The following ZAP70 variants were observed in gnomAD, a reference collection of about 807,000 sequenced individuals.
ZAP70 encodes zeta chain of T cell receptor associated protein kinase 70, also known as tyrosine-protein kinase ZAP-70.
A neutral mutation model predicts 65.8 loss-of-function variants in ZAP70; 27 were observed. The ratio of observed to expected loss-of-function variants is 0.41; its 90% CI spans 0.30 to 0.57. The LOEUF (loss-of-function observed/expected upper bound fraction) is 0.57. Among genes scored for constraint, ZAP70 ranks in the 20% least tolerant of loss-of-function variants. The pLI is 0.28. For missense variants in ZAP70, 696 were observed against 870.5 expected, an observed-to-expected ratio of 0.80 and a Z score of 2.52; for synonymous variants, 363 against 360.8, an observed-to-expected ratio of 1.01 and a Z score of -0.07.
At chr2:97,741,302 G>C (rs1209654773), downstream of ZAP70, among the ~76,000 whole-genome samples, 3 of 152,216 alleles carry the variant, frequency 2.0e-5, no homozygotes, top group African/African-American at 7.2e-5. Context: ...CTCTGACCAA[G>C]CCCCTTCACC....
Position 97,734,689 on chromosome 2 carries a change from C to T in ZAP70, c.1059C>T (p.Arg353=), listed in dbSNP as rs777939833. 6.2e-7 allele frequency: 1 copy of T among 1,614,054 alleles called. No individual in the cohort carries two copies. The highest frequency in any genetic ancestry group is 1.1e-5 in the South Asian group (1 of 91,088). ...GCTGCGGCAACTTTGGCTCAGTGCG[C>T]CAGGGCGTGTACCGCATGCGCAAGT... ...ELGCGNFGSV[R]QGVYRMRKKQ... Residue 353 remains arginine, a synonymous_variant, in exon 9 of 14, where the codon CGC becomes CGT. Coordinates refer to ENST00000264972, the MANE Select transcript of ZAP70 (RefSeq NM_001079.4).
chr2:97,723,575 AATT>A (rs1370061249), intron 2 of ZAP70, among the ~76,000 whole-genome samples: 1 of 152,154 alleles, frequency 6.6e-6, no homozygotes, highest in African/African-American at 2.4e-5. Context: ...CTCAATCTGT[AATT>A]ATTATTTTTG....
At chr2:97,726,312 C>T (rs1021320140) in intron 4 of ZAP70, among the ~76,000 whole-genome samples, 1 of 152,206 alleles carries the variant, frequency 6.6e-6, no homozygotes, top group Non-Finnish European at 1.5e-5. Flanking sequence ...GGTTTGGACA[C>T]GGGATCTTTT....
chr2:97,734,078 A>C (rs529704397), intron 8 of ZAP70: 10 of 278,456 alleles, frequency 3.6e-5, no homozygotes, highest in African/African-American at 8.6e-5. Flanking sequence ...CCTGTTTCTC[A>C]TGGGTGGGCC....
chr2:97,732,873 C>T lies in ZAP70; in HGVS notation c.564-10C>T, dbSNP rs1227715885. 2 of 1,613,846 alleles carry T rather than the reference C, an allele frequency of 1.2e-6. No individual in the cohort carries two copies. Among genetic ancestry groups the T allele is most frequent in the East Asian group, 4.5e-5 (2 of 44,888 alleles). On this transcript the variant is annotated splice_polypyrimidine_tract_variant and intron_variant, in intron 4 of 13. Transcript: ENST00000264972. ...CTCTAGGGGTTACATCCCCTCCCTT[C>T]CCCTGCCAGGCTGAGGCCGCGGAAG...
rs1676881701 is a variant in ZAP70 at position 97,715,711 on chromosome 2, T to G, written c.-22+1717T>G. ...TCCTGGTGGCCCCTTGCAGGCTGCA[T>G]GTTCTGAGAGTGACATTGACCTCTC... On this transcript the variant is annotated intron_variant, in intron 2 of 13. Transcript: ENST00000264972. This position sits in a 1 kb window ranked among gnomAD's most constrained non-coding sequence, Gnocchi z 4.1. 6.6e-6 allele frequency among the ~76,000 whole-genome samples: 1 copy of G among 152,190 alleles called. No homozygotes were observed. Among genetic ancestry groups the G allele is most frequent in the African/African-American group, 2.4e-5 (1 of 41,448 alleles).
chr2:97,717,051 G>A (rs1383939655), intron 2 of ZAP70, among the ~76,000 whole-genome samples: 1 of 152,232 alleles, frequency 6.6e-6, no homozygotes, highest in African/African-American at 2.4e-5. Flanking sequence ...GGCTAACTGC[G>A]GCTGTGTGGC....
Position 97,733,228 on chromosome 2 carries a change from GGGCGGGC to G in ZAP70, c.790+19_790+25del. Reference sequence around the variant, plus strand: ...AACGCCTCAGGTGACGGCAGCAGGCGGGCGGGCGGTGGGCGGGGGCGGCAGGAGACCT... The same window carrying G: ...AACGCCTCAGGTGACGGCAGCAGGCGGGTGGGCGGGGGCGGCAGGAGACCT... On this transcript the variant is annotated intron_variant, in intron 6 of 13. Coordinates refer to ENST00000264972, the MANE Select transcript of ZAP70 (RefSeq NM_001079.4). The G allele has an allele frequency of 6.2e-7, 1 of 1,611,168 alleles. No individual in the cohort carries two copies. The highest frequency in any genetic ancestry group is 8.5e-7 in the Non-Finnish European group (1 of 1,178,678).
chr2:97,721,796 T>C (rs1238767255), intron 2 of ZAP70, among the ~76,000 whole-genome samples: 2 of 151,484 alleles, frequency 1.3e-5, no homozygotes, highest in Non-Finnish European at 2.9e-5. Flanking sequence ...TTTTTTTTTT[T>C]TGAGATTGCT....
chr2:97,748,533 A>G, the ZAP70 span, among the ~76,000 whole-genome samples: 6 of 152,128 alleles, frequency 3.9e-5, no homozygotes. Flanking sequence ...GGTGTTCTCC[A>G]TGGAGCAGAA....
chr2:97,727,392 C>G (rs1677432197), intron 4 of ZAP70, among the ~76,000 whole-genome samples: 1 of 152,224 alleles, frequency 6.6e-6, no homozygotes, highest in South Asian at 2.1e-4. Flanking sequence ...GCCTGCCCTG[C>G]TGCATCTGGA....
the ZAP70 span, among the ~76,000 whole-genome samples, chr2:97,749,279 G>A: frequency 6.6e-6 from 1 of 152,202 alleles, no homozygotes; most frequent in Non-Finnish European, 1.5e-5. Context: ...AAAGTGCTAG[G>A]ATTGCAGGCA....
At chr2:97,724,809 C>A in intron 3 of ZAP70, 1 of 1,510,396 alleles carries the variant, frequency 6.6e-7, no homozygotes, top group Non-Finnish European at 8.8e-7. Flanking sequence ...GGGCAGTAGT[C>A]GTCCACAGCC....
At chr2:97,724,646 T>C in intron 3 of ZAP70, 7 of 1,531,552 alleles carry the variant, frequency 4.6e-6, no homozygotes, top group Non-Finnish European at 6.1e-6. Flanking sequence ...TTCCGCAGGC[T>C]GAGCGATGCT....
intron 3 of ZAP70, chr2:97,724,712 G>A: frequency 6.6e-7 from 1 of 1,515,796 alleles, no homozygotes; most frequent in African/African-American, 1.4e-5. Flanking sequence ...GCCGGGCGAA[G>A]GCGAGGCTTG....
chr2:97,739,650 G>C lies in ZAP70; in HGVS notation c.*152G>C. The C allele has an allele frequency of 8.3e-7, 1 of 1,205,244 alleles. No homozygotes were observed. Among genetic ancestry groups the C allele is most frequent in the Non-Finnish European group, 1.1e-6 (1 of 870,560 alleles). The allele number at this position is 1,205,244 out of a possible 1,614,324, so 74.7% of individuals were successfully genotyped here. ...TCTCAGGCCACACCGGCCTTGCATT[G>C]CCTGCCTGGCCCCCTGTCCTCTCTG... On this transcript the variant is annotated 3_prime_UTR_variant, in exon 14 of 14. Transcript: ENST00000264972.
Position 97,725,133 on chromosome 2 carries a change from G to C in ZAP70, c.444G>C (p.Gln148His). 1 of 1,614,150 alleles carries C rather than the reference G, an allele frequency of 6.2e-7. No individual in the cohort carries two copies. Among genetic ancestry groups the C allele is most frequent in the Non-Finnish European group, 8.5e-7 (1 of 1,180,024 alleles). The change falls in exon 4 of 14, where the codon CAG becomes CAC. Residue 148 changes from glutamine (Q) to histidine (H), a missense_variant. Gln to His is a conservative substitution (Grantham distance 24). Coordinates refer to ENST00000264972, the MANE Select transcript of ZAP70 (RefSeq NM_001079.4). ...AGGCCATCATCAGCCAGGCCCCGCAGGTGGAGAAGCTCATTGCTACGACGG... is the reference window on the plus strand; with the variant it reads ...AGGCCATCATCAGCCAGGCCCCGCACGTGGAGAAGCTCATTGCTACGACGG... ...LEQAIISQAPQVEKLIATTAH... is the reference protein window; with the variant it reads ...LEQAIISQAPHVEKLIATTAH...
chr2:97,729,952 T>G (rs1057189703), intron 4 of ZAP70, among the ~76,000 whole-genome samples: 1 of 152,158 alleles, frequency 6.6e-6, no homozygotes, highest in Admixed American at 6.6e-5. Context: ...TACAGCCAAG[T>G]GTGATGGCTC....
intron 2 of ZAP70, among the ~76,000 whole-genome samples, chr2:97,719,557 G>GGT (rs796506133): frequency 2.2e-4 from 34 of 151,368 alleles, no homozygotes; most frequent in African/African-American, 7.8e-4. Context: ...ACAGCCTGGG[G>GGT]GGGGGGCGCA....
Sources: allele counts gnomAD v4.1 joint callset (sites outside exome capture counted in the v4.1 genomes callset), GRCh38; gene constraint gnomAD v4.1.1; non-coding constraint Gnocchi (gnomAD v3.1); transcripts MANE v1.5; gene names NCBI Gene and HGNC (gene_info 2026-07-23, HGNC 2026-07-21).